The following BABAM2 variants were observed in gnomAD, a reference collection of about 807,000 sequenced individuals.
BABAM2 encodes BRISC and BRCA1-A complex member 2.
A neutral mutation model predicts 54.7 loss-of-function variants in BABAM2; 31 were observed. The observed-to-expected ratio is 0.57, with a 90% confidence interval of 0.43 to 0.77. BABAM2 has a LOEUF of 0.77. Ranked by LOEUF, BABAM2 falls within the 30% of genes least tolerant of loss-of-function variation. BABAM2 has a pLI of 0.00. For missense variants in BABAM2, 364 were observed against 455.8 expected, an observed-to-expected ratio of 0.80 and a Z score of 1.83; for synonymous variants, 167 against 162.9, an observed-to-expected ratio of 1.03 and a Z score of -0.19.
rs376405278 is a variant in BABAM2 at position 28,186,336 on chromosome 2, A to C, written c.681-50866A>C. On this transcript the variant is annotated intron_variant, in intron 7 of 11. Transcript: ENST00000379624. ...GTACCCCACTCACTTCACAGTCCCC[A>C]TGTCCTTCACTGGATTGTTTCAAAG... is the stretch of plus-strand genomic sequence containing the variant. Among the ~76,000 whole-genome samples, 7 of 152,162 alleles carry C rather than the reference A, an allele frequency of 4.6e-5. No homozygotes were observed. In the East Asian group the frequency reaches 9.6e-4, roughly 21 times the overall value.
At chr2:28,068,917 T>C (rs541542541) in intron 6 of BABAM2, among the ~76,000 whole-genome samples, 1 of 152,180 alleles carries the variant, frequency 6.6e-6, no homozygotes, top group Non-Finnish European at 1.5e-5. Context: ...TTTCAAAGGG[T>C]GTTTTAATGG....
At chr2:27,905,651 G>A (rs909215419) in intron 2 of BABAM2, among the ~76,000 whole-genome samples, 2 of 152,168 alleles carry the variant, frequency 1.3e-5, no homozygotes, top group Non-Finnish European at 2.9e-5. Flanking sequence ...GAATCAGGGA[G>A]TCTATAAAGA....
In BABAM2 at chr2:28,191,320, A is replaced by G. The variant is rs563976591; in HGVS notation, c.681-45882A>G. ...ATATAAAATGATACATTGACTTTGA[A>G]AAACAGTTGGTCAGTTTCTTACAAA... On this transcript the variant is annotated intron_variant, in intron 7 of 11. Transcript: ENST00000379624. Among the ~76,000 whole-genome samples, 15 of 152,362 alleles carry G rather than the reference A, an allele frequency of 9.8e-5. No homozygotes were observed. The South Asian group carries it at 2.7e-3, about 27-fold the overall frequency.
chr2:27,921,210 T>C (rs1165831015), intron 2 of BABAM2, among the ~76,000 whole-genome samples: 1 of 152,174 alleles, frequency 6.6e-6, no homozygotes, highest in Non-Finnish European at 1.5e-5. Flanking sequence ...GGGGGGCTTG[T>C]TCCCTCTCTT....
At chr2:27,914,424 C>A (rs1666819647) in intron 2 of BABAM2, among the ~76,000 whole-genome samples, 1 of 152,222 alleles carries the variant, frequency 6.6e-6, no homozygotes, top group African/African-American at 2.4e-5. Flanking sequence ...TTGCTGCTAT[C>A]ATGGATTTGT....
chr2:27,941,647 C>T (rs1296960598), intron 3 of BABAM2, among the ~76,000 whole-genome samples: 1 of 151,600 alleles, frequency 6.6e-6, no homozygotes, highest in Non-Finnish European at 1.5e-5. Context: ...GAAGTCATGT[C>T]AAGAAATACC....
chr2:28,048,618 C>T (rs1677777026), intron 6 of BABAM2, among the ~76,000 whole-genome samples: 1 of 152,176 alleles, frequency 6.6e-6, no homozygotes, highest in South Asian at 2.1e-4. Flanking sequence ...TAGCAGGAAA[C>T]AGTCCATACT....
intron 11 of BABAM2, among the ~76,000 whole-genome samples, chr2:28,317,209 G>GC (rs1212445558): frequency 1.3e-5 from 2 of 152,098 alleles, no homozygotes; most frequent in African/African-American, 2.4e-5. Flanking sequence ...TGCTTTCTTT[G>GC]CCCCACCCTG....
At chr2:28,104,759 A>G (rs2148713911) in intron 6 of BABAM2, among the ~76,000 whole-genome samples, 1 of 152,320 alleles carries the variant, frequency 6.6e-6, no homozygotes, top group South Asian at 2.1e-4. Context: ...TTGTGGCACT[A>G]TTCACAATAG....
At chr2:28,043,491 A>G (rs1677297969) in intron 5 of BABAM2, among the ~76,000 whole-genome samples, 1 of 152,110 alleles carries the variant, frequency 6.6e-6, no homozygotes, top group Non-Finnish European at 1.5e-5. Context: ...TGCTAAGGGA[A>G]GACTTTTCTG....
At chr2:27,936,728 C>T (rs1313691891) in intron 3 of BABAM2, among the ~76,000 whole-genome samples, 1 of 151,586 alleles carries the variant, frequency 6.6e-6, no homozygotes, top group African/African-American at 2.4e-5. Context: ...TGTTCTCACT[C>T]ATAGGTGGGA....
chr2:28,307,245 G>A lies in BABAM2; in HGVS notation c.1088+8754G>A, dbSNP rs559146736. ...TGGTCTCAAACTCCTGACCTCAAGT[G>A]ATCCACCTGCCTTGGCCTCCCAAAG... is the stretch of plus-strand genomic sequence containing the variant. On this transcript the variant is annotated intron_variant, in intron 11 of 11. Coordinates refer to ENST00000379624, the MANE Select transcript of BABAM2 (RefSeq NM_199191.3). Among the ~76,000 whole-genome samples, 103 of 150,774 alleles carry A rather than the reference G, an allele frequency of 6.8e-4. 1 individual carries two copies. Among genetic ancestry groups the A allele is most frequent in the African/African-American group, 2.0e-3 (82 of 41,022 alleles).
chr2:27,968,956 G>A (rs1050466957), intron 3 of BABAM2, among the ~76,000 whole-genome samples: 1 of 152,168 alleles, frequency 6.6e-6, no homozygotes, highest in Non-Finnish European at 1.5e-5. Flanking sequence ...GGGGTCAGGG[G>A]TGGAATGATA....
At chr2:28,026,897 AAT>A (rs1274431507) in intron 5 of BABAM2, among the ~76,000 whole-genome samples, 2 of 20,578 alleles carry the variant, frequency 9.7e-5, no homozygotes, top group East Asian at 6.0e-4. Flanking sequence ...GATATATATA[AAT>A]ATATATAAAT....
intron 7 of BABAM2, among the ~76,000 whole-genome samples, chr2:28,221,037 A>G (rs1055013900): frequency 6.6e-6 from 1 of 151,876 alleles, no homozygotes; most frequent in Non-Finnish European, 1.5e-5. Flanking sequence ...AAAACTCCTC[A>G]CTTGGATTTC....
intron 7 of BABAM2, among the ~76,000 whole-genome samples, chr2:28,236,512 C>T (rs532416505): frequency 2.9e-4 from 44 of 151,950 alleles, no homozygotes; most frequent in Non-Finnish European, 5.4e-4. Context: ...TACAGGTGCC[C>T]ACCACCACAC....
At chr2:28,003,499 A>G (rs1473966789) in intron 4 of BABAM2, among the ~76,000 whole-genome samples, 2 of 152,084 alleles carry the variant, frequency 1.3e-5, no homozygotes, top group Non-Finnish European at 2.9e-5. Context: ...CTAAAGTGGG[A>G]GAATCGTTTG....
intron 6 of BABAM2, among the ~76,000 whole-genome samples, chr2:28,072,194 G>A (rs1189011203): frequency 1.3e-5 from 2 of 150,852 alleles, no homozygotes; most frequent in South Asian, 2.1e-4. Context: ...TTTTTTTTGA[G>A]ATGAAGTCTC....
chr2:28,157,363 A>G (rs1329235758), intron 7 of BABAM2, among the ~76,000 whole-genome samples: 1 of 152,176 alleles, frequency 6.6e-6, no homozygotes, highest in East Asian at 1.9e-4. Flanking sequence ...CCATTTTTAA[A>G]ATGCAGTCAG....
Sources: gnomAD v4.1 joint callset for allele counts (sites outside exome capture counted in the v4.1 genomes callset) on GRCh38, gnomAD v4.1.1 for gene constraint, MANE v1.5 for transcripts, NCBI Gene and HGNC (gene_info 2026-07-23, HGNC 2026-07-21) for gene names.